IL1RAPL2: variants seen among roughly 807,000 people sequenced by gnomAD.
IL1RAPL2 encodes interleukin 1 receptor accessory protein like 2.
In IL1RAPL2, 3 loss-of-function variants were observed where a neutral mutation model predicts 44.1. The observed-to-expected ratio is 0.07, with a 90% CI of 0.03 to 0.18. The LOEUF (loss-of-function observed/expected upper bound fraction) is 0.18, where lower values mean the gene tolerates loss of function less well. Among genes scored for constraint, IL1RAPL2 ranks in the 10% least tolerant of loss-of-function variants. The probability of loss-of-function intolerance (pLI) is 1.00; values close to 1 mark genes in which losing one functional copy is unlikely to be tolerated. For missense variants in IL1RAPL2, 391 were observed against 496.4 expected, an observed-to-expected ratio of 0.79 and a Z score of 2.02; for synonymous variants, 181 against 178.8, an observed-to-expected ratio of 1.01 and a Z score of -0.10.
intron 6 of IL1RAPL2, among the ~76,000 whole-genome samples, chrX:105,656,940 C>T: frequency 9.1e-6 from 1 of 109,941 alleles, no homozygotes; most frequent in East Asian, 2.8e-4. Flanking sequence ...TTACATATAA[C>T]TTTCCATTAA....
intron 6 of IL1RAPL2, among the ~76,000 whole-genome samples, chrX:105,595,274 A>G (rs2037199961): frequency 8.9e-6 from 1 of 112,018 alleles, no homozygotes; most frequent in Admixed American, 9.5e-5. Context: ...ACTAATGTAG[A>G]CGGAAGTTTA....
chrX:104,752,760 C>T (rs983648653), intron 2 of IL1RAPL2, among the ~76,000 whole-genome samples: 1 of 110,781 alleles, frequency 9.0e-6, no homozygotes, highest in Non-Finnish European at 1.9e-5. Context: ...CCTTCGTTAT[C>T]TGCAGCTTTG....
chrX:105,725,860 T>A (rs941376220), intron 7 of IL1RAPL2, among the ~76,000 whole-genome samples: 8 of 111,946 alleles, frequency 7.1e-5, no homozygotes, highest in African/African-American at 2.6e-4. Context: ...TGCTTTAATT[T>A]AAATAGGTTT....
At chrX:105,411,875 A>T (rs1052650140) in intron 5 of IL1RAPL2, among the ~76,000 whole-genome samples, 8 of 112,237 alleles carry the variant, frequency 7.1e-5, no homozygotes, top group Non-Finnish European at 1.5e-4. Flanking sequence ...TTCACATGGA[A>T]CATCCTCCAG....
intron 6 of IL1RAPL2, among the ~76,000 whole-genome samples, chrX:105,495,539 T>C: frequency 8.9e-6 from 1 of 112,053 alleles, no homozygotes; most frequent in African/African-American, 3.2e-5. Flanking sequence ...ACTGAGGGCC[T>C]GTATCAATTT....
intron 5 of IL1RAPL2, among the ~76,000 whole-genome samples, chrX:105,352,101 AT>A (rs199917383): frequency 1.8e-5 from 2 of 108,567 alleles, no homozygotes; most frequent in Non-Finnish European, 3.8e-5. Flanking sequence ...TTAAAAAACA[AT>A]TTTTTTTTCT....
chrX:104,712,452 G>A (rs1270605627), intron 2 of IL1RAPL2, among the ~76,000 whole-genome samples: 1 of 110,393 alleles, frequency 9.1e-6, no homozygotes, highest in Admixed American at 9.7e-5. Context: ...CTGCTGCTTG[G>A]CATGTGCTTT....
chrX:104,984,870 C>CA lies in IL1RAPL2; in HGVS notation c.83-210599dup, dbSNP rs2030530843. On this transcript the variant is annotated intron_variant, in intron 2 of 10. Transcript: ENST00000372582. ...AGAAGAAAATGACTAAAACTGACTGCAAAAAATAAGAATAAAAATAATAGA... is the reference window on the plus strand; with the variant it reads ...AGAAGAAAATGACTAAAACTGACTGCAAAAAAATAAGAATAAAAATAATAGA... Among the ~76,000 whole-genome samples the CA allele has an allele frequency of 2.7e-5, 3 of 110,692 alleles. No homozygotes were observed. In the South Asian group the frequency reaches 1.1e-3, roughly 42 times the overall value.
chrX:105,531,344 A>G (rs1330585624), intron 6 of IL1RAPL2, among the ~76,000 whole-genome samples: 2 of 111,879 alleles, frequency 1.8e-5, no homozygotes, highest in African/African-American at 3.2e-5. Context: ...TTCCATTTGT[A>G]TGTCTTCTTT....
intron 2 of IL1RAPL2, among the ~76,000 whole-genome samples, chrX:105,155,125 A>G (rs1370044479): frequency 8.9e-6 from 1 of 111,751 alleles, no homozygotes; most frequent in East Asian, 2.8e-4. Flanking sequence ...ATAGTATAAT[A>G]ATCTAACTAG....
chrX:104,955,764 A>G (rs976208652), intron 2 of IL1RAPL2, among the ~76,000 whole-genome samples: 2 of 110,936 alleles, frequency 1.8e-5, no homozygotes, highest in African/African-American at 6.5e-5. Flanking sequence ...AGCAGGAAAC[A>G]CAAAGAGTTA....
chrX:105,613,031 T>A (rs1424513389), intron 6 of IL1RAPL2, among the ~76,000 whole-genome samples: 1 of 111,439 alleles, frequency 9.0e-6, no homozygotes. Context: ...AGAGAGTGCT[T>A]ATACCACCCC....
intron 6 of IL1RAPL2, among the ~76,000 whole-genome samples, chrX:105,596,236 G>T (rs886969208): frequency 1.9e-4 from 21 of 107,880 alleles, no homozygotes; most frequent in Non-Finnish European, 4.0e-4. Flanking sequence ...GGTAATATTT[G>T]TTTTTTTATT....
chrX:105,752,315 G>A (rs768174429), intron 9 of IL1RAPL2, among the ~76,000 whole-genome samples: 4 of 112,343 alleles, frequency 3.6e-5, no homozygotes, highest in East Asian at 2.8e-4. Context: ...GCACAGCTGC[G>A]GAACAACTGA....
rs148289284 is a variant in IL1RAPL2, at chrX:105,234,301, T to C, written c.543+297T>C. Among the ~76,000 whole-genome samples the C allele has an allele frequency of 6.4e-3, 711 of 111,324 alleles. 5 individuals are homozygous for C. Among genetic ancestry groups the C allele is most frequent in the African/African-American group, 0.021 (652 of 30,617 alleles). On this transcript the variant is annotated intron_variant, in intron 4 of 10. Transcript: ENST00000372582. ...CATTTAAATAACACTTGAAAGAAAT[T>C]ATTTGGGGGACACAGAAATATTATT...
chrX:104,946,355 G>T (rs1483341232), intron 2 of IL1RAPL2, among the ~76,000 whole-genome samples: 1 of 51,913 alleles, frequency 1.9e-5, no homozygotes, highest in African/African-American at 7.3e-5. Flanking sequence ...AGTCTGGCCT[G>T]GGCGACAGAG....
At chrX:104,799,073 G>A (rs1932869095) in intron 2 of IL1RAPL2, among the ~76,000 whole-genome samples, 1 of 111,108 alleles carries the variant, frequency 9.0e-6, no homozygotes, top group South Asian at 3.9e-4. Context: ...AGGAGGTACT[G>A]TTGTTATCCT....
chrX:105,383,262 CA>C (rs1292303895), intron 5 of IL1RAPL2, among the ~76,000 whole-genome samples: 2 of 110,824 alleles, frequency 1.8e-5, no homozygotes, highest in Non-Finnish European at 3.8e-5. Context: ...TCTCCCCTCC[CA>C]CTACCCTTCT....
intron 6 of IL1RAPL2, among the ~76,000 whole-genome samples, chrX:105,616,706 A>G (rs1178842080): frequency 1.8e-5 from 2 of 111,096 alleles, no homozygotes; most frequent in African/African-American, 6.5e-5. Context: ...TGTGGCAGAT[A>G]TTTTGTCCTG....
Sources: gnomAD v4.1 joint callset for allele counts (sites outside exome capture counted in the v4.1 genomes callset) on GRCh38, gnomAD v4.1.1 for gene constraint, MANE v1.5 for transcripts, NCBI Gene and HGNC (gene_info 2026-07-23, HGNC 2026-07-21) for gene names.